Variants in MAEL observed in about 807,000 individuals in gnomAD.
MAEL encodes the protein maelstrom spermatogenic transposon silencer, also known as protein maelstrom homolog.
In MAEL, 46 loss-of-function variants were observed where a neutral mutation model predicts 62.0. The observed-to-expected ratio is 0.74, with a 90% CI of 0.59 to 0.95. The LOEUF is 0.95. MAEL is among the 40% of genes least tolerant of loss of function. The pLI is 0.00. For synonymous variants in MAEL, 172 were observed against 175.5 expected (o/e 0.98, Z 0.16); for missense variants, 497 against 526.8 (o/e 0.94, Z 0.55).
upstream of MAEL, among the ~76,000 whole-genome samples, chr1:166,987,223 T>TC (rs1442710346): frequency 7.2e-5 from 11 of 152,162 alleles, no homozygotes; most frequent in Admixed American, 7.2e-4. Flanking sequence ...GTAATGCTGA[T>TC]CTGATTTTTA....
intron 8 of MAEL, among the ~76,000 whole-genome samples, chr1:167,010,344 C>T (rs1665115226): frequency 6.6e-6 from 1 of 152,084 alleles, no homozygotes; most frequent in Non-Finnish European, 1.5e-5. Flanking sequence ...CAGACTAATA[C>T]AGTAATGTTA....
At position 166,989,810 on chromosome 1, in the gene MAEL, C is replaced by T. The variant is rs775977856; in HGVS notation, c.206C>T (p.Pro69Leu). Residue 69 changes from proline to leucine, a missense_variant, in exon 2 of 12, where the codon CCT (proline) becomes CTT (leucine). Physicochemically the swap from Pro to Leu is moderately conservative, Grantham distance 98. Coordinates refer to ENST00000367872, the MANE Select transcript of MAEL (RefSeq NM_032858.3). ...TGGAGGGCCGCTCAGGGAAAGGACC[C>T]TGGGCCCTCAGAGAAGCAGGTAAAG... ...REWRAAQGKD[P>L]GPSEKQKPVF... 2 of 1,612,782 alleles carry T rather than the reference C, an allele frequency of 1.2e-6. No homozygotes were observed. Among genetic ancestry groups the T allele is most frequent in the Non-Finnish European group, 1.7e-6 (2 of 1,179,734 alleles).
At chr1:167,005,191 A>G (rs376533603) in intron 7 of MAEL, 61 bp downstream of exon 7, 40 of 1,609,826 alleles carry the variant, frequency 2.5e-5, no homozygotes, top group Non-Finnish European at 3.2e-5. Flanking sequence ...ATTTGTTTCC[A>G]CTTTGATATC....
At chr1:166,980,680 T>A (rs1663734454) in intron 1 of MAEL, among the ~76,000 whole-genome samples, 1 of 152,212 alleles carries the variant, frequency 6.6e-6, no homozygotes, top group African/African-American at 2.4e-5. Context: ...AGGAGCCCTG[T>A]CTCCAGTTTT....
intron 5 of MAEL, among the ~76,000 whole-genome samples, chr1:166,996,904 G>C (rs1664450160): frequency 6.6e-6 from 1 of 152,048 alleles, no homozygotes. Context: ...TCAGCTCACT[G>C]CAACCTCCGC....
At chr1:167,016,069 A>G in intron 8 of MAEL, 153 bp from the exon 9 acceptor site, 1 of 691,710 alleles carries the variant, frequency 1.4e-6, no homozygotes, top group Non-Finnish European at 2.6e-6. Context: ...TGTAGCATTA[A>G]AATCTGTTTT....
upstream of MAEL, among the ~76,000 whole-genome samples, chr1:166,985,482 T>C (rs1167560177): frequency 6.6e-6 from 1 of 152,116 alleles, no homozygotes; most frequent in East Asian, 1.9e-4. Context: ...GGACTAGAAA[T>C]AGTTTATATT....
In MAEL at chr1:167,021,115, C is replaced by G. The variant is rs1347441261; in HGVS notation, c.1072C>G (p.His358Asp). 3 of 1,612,386 alleles carry G rather than the reference C, an allele frequency of 1.9e-6. No homozygotes were observed. The highest frequency in any genetic ancestry group is 1.3e-5 in the African/African-American group (1 of 74,850). The change falls in exon 11 of 12, where the codon CAT (histidine) becomes GAT (aspartate). Residue 358 changes from histidine (H) to aspartate (D), a missense_variant. His to Asp is a moderately conservative substitution (Grantham distance 81). Transcript: ENST00000367872. The stretch of plus-strand genomic sequence containing the variant: ...AAGGGTTGGGAGTTCAGGATTCTCT[C>G]ATTTCAACTCTTCTAATGAGGAACA... ...KLRVGSSGFSHFNSSNEEQRS... is the reference protein window; with the variant it reads ...KLRVGSSGFSDFNSSNEEQRS...
At chr1:167,011,363 T>C (rs1230862335) in intron 8 of MAEL, among the ~76,000 whole-genome samples, 1 of 152,200 alleles carries the variant, frequency 6.6e-6, no homozygotes, top group African/African-American at 2.4e-5. Flanking sequence ...GTTGTTGTTC[T>C]TGTTAATCTG....
intron 8 of MAEL, chr1:167,005,764 GA>G (rs561160282): frequency 1.4e-3 from 216 of 156,758 alleles, no homozygotes; most frequent in African/African-American, 5.1e-3. Context: ...TAGACTTACA[GA>G]AAAGTTGCAA....
intron 8 of MAEL, among the ~76,000 whole-genome samples, chr1:167,006,543 C>A (rs1664903314): frequency 6.9e-6 from 1 of 144,456 alleles, no homozygotes; most frequent in Admixed American, 7.0e-5. Flanking sequence ...TAACTTTGAT[C>A]ACTTGTTTAA....
chr1:167,021,766 A>C lies in MAEL; in HGVS notation c.1216A>C (p.Asn406His), dbSNP rs1279881812. 1 of 1,613,266 alleles carries C rather than the reference A, an allele frequency of 6.2e-7. No homozygotes were observed. Among genetic ancestry groups the C allele is most frequent in the Non-Finnish European group, 8.5e-7 (1 of 1,179,394 alleles). The stretch of plus-strand genomic sequence containing the variant: ...AGAGAGCATTTCCAATTCTTCCAGC[A>C]ATATCCACAAATTCTCCAACTGTGA... ...LLESISNSSS[N>H]IHKFSNCDTS... Residue 406 changes from asparagine (N) to histidine (H), a missense_variant, in exon 12 of 12, where the codon AAT (asparagine) becomes CAT (histidine). Asn to His is a moderately conservative substitution (Grantham distance 68). Transcript: ENST00000367872.
At chr1:166,987,685 A>T (rs1487724252), upstream of MAEL, among the ~76,000 whole-genome samples, 3 of 152,236 alleles carry the variant, frequency 2.0e-5, no homozygotes, top group Admixed American at 6.5e-5. Context: ...AGGAAAATAT[A>T]ATTACAAAAA....
chr1:166,987,947 CAA>C (rs778002956), upstream of MAEL, among the ~76,000 whole-genome samples: 17 of 152,060 alleles, frequency 1.1e-4, no homozygotes, highest in African/African-American at 1.7e-4. Context: ...TCAAGGAAGC[CAA>C]AATTCTATAT....
In MAEL at chr1:167,021,125, C is replaced by G; in HGVS notation, c.1082C>G (p.Ser361Cys). 1 of 1,612,518 alleles carries G rather than the reference C, an allele frequency of 6.2e-7. No individual in the cohort carries two copies. The highest frequency in any genetic ancestry group is 8.5e-7 in the Non-Finnish European group (1 of 1,178,994). The change falls in exon 11 of 12, where the codon TCT becomes TGT. Residue 361 changes from serine (S) to cysteine (C), a missense_variant. Physicochemically the swap from Ser to Cys is moderately radical, Grantham distance 112. Transcript: ENST00000367872. The part of the protein sequence containing the change: ...VGSSGFSHFN[S>C]SNEEQRSNTP... ...AGTTCAGGATTCTCTCATTTCAACT[C>G]TTCTAATGAGGAACAAAGATCAAAC...
chr1:166,990,344 A>G (rs181937782), intron 2 of MAEL: 2 of 153,152 alleles, frequency 1.3e-5, no homozygotes, highest in Admixed American at 6.5e-5. Context: ...TAGTTGGTGT[A>G]TGTGTGTATG....
rs377449945 is a variant in MAEL, at chr1:167,008,080, A to C, written c.845+2683A>C. Among the ~76,000 whole-genome samples the C allele has an allele frequency of 2.1e-4, 32 of 152,268 alleles. No individual in the cohort carries two copies. In the East Asian group the frequency reaches 4.6e-3, roughly 22 times the overall value. On this transcript the variant is annotated intron_variant, in intron 8 of 11. Transcript: ENST00000367872. Reference sequence around the variant, plus strand: ...ACTTTATTCTAGCTTCATTAAAAAAAGCTTGTTAGGATTGCATTAAATTTA... The same window carrying C: ...ACTTTATTCTAGCTTCATTAAAAAACGCTTGTTAGGATTGCATTAAATTTA...
rs1356580885 is a variant in MAEL at position 166,989,306 on chromosome 1, G to C, written c.-47G>C. 1 of 1,579,932 alleles carries C rather than the reference G, an allele frequency of 6.3e-7. No homozygotes were observed. The highest frequency in any genetic ancestry group is 8.6e-7 in the Non-Finnish European group (1 of 1,161,906). On this transcript the variant is annotated 5_prime_UTR_variant, in exon 1 of 12. Transcript: ENST00000367872. ...CTTAGGGCGGGAGCCCGGCGAGGGC[G>C]CCGGTGCTTTGTTCTGTCTGAGGCC...
At chr1:167,014,981 G>A (rs866615072) in intron 8 of MAEL, among the ~76,000 whole-genome samples, 8 of 152,118 alleles carry the variant, frequency 5.3e-5, no homozygotes, top group Admixed American at 2.6e-4. Flanking sequence ...CAGAGATCGC[G>A]CCTCATAGCT....
Sources: allele counts gnomAD v4.1 joint callset (sites outside exome capture counted in the v4.1 genomes callset), GRCh38; gene constraint gnomAD v4.1.1; transcripts MANE v1.5; gene names NCBI Gene and HGNC (gene_info 2026-07-23, HGNC 2026-07-21).